MVB12A: variants seen among roughly 807,000 people sequenced by gnomAD.
MVB12A encodes the protein CIN85/CD2AP family binding protein.
Under a neutral mutation model 34.3 loss-of-function variants are expected in MVB12A, and 30 were observed. The ratio of observed to expected loss-of-function variants is 0.88; its 90% CI spans 0.65 to 1.19. MVB12A has a LOEUF of 1.19. MVB12A is among the 50% of genes most tolerant of loss of function. MVB12A has a pLI of 0.00. For missense variants in MVB12A, 355 were observed against 369.2 expected, an observed-to-expected ratio of 0.96 and a Z score of 0.31; for synonymous variants, 158 against 158.9, an observed-to-expected ratio of 0.99 and a Z score of 0.04.
intron 2 of MVB12A, among the ~76,000 whole-genome samples, chr19:17,409,677 C>G (rs2074751866): frequency 6.6e-6 from 1 of 151,378 alleles, no homozygotes. Flanking sequence ...TCTCAAACTC[C>G]CGACCTCAGG....
chr19:17,406,956 C>A (rs757723360), intron 2 of MVB12A, among the ~76,000 whole-genome samples: 1 of 152,152 alleles, frequency 6.6e-6, no homozygotes, highest in South Asian at 2.1e-4. Context: ...AAAGACACGA[C>A]CTTTGCCTGA....
intron 4 of MVB12A, 85 bp from the exon 5 acceptor site, chr19:17,423,413 C>T (rs1266486500): frequency 5.6e-5 from 83 of 1,495,070 alleles, no homozygotes; most frequent in Middle Eastern, 2.5e-4. Flanking sequence ...CCTGCATGCC[C>T]GGGTCCCCCG....
upstream of MVB12A, chr19:17,418,433 C>T (rs2074815694): frequency 6.7e-6 from 1 of 148,472 alleles, no homozygotes; most frequent in African/African-American, 2.5e-5. Flanking sequence ...GCTCTTGTTG[C>T]CTAAGCTGGA....
At chr19:17,420,040 G>C, upstream of MVB12A, 1 of 553,228 alleles carries the variant, frequency 1.8e-6, no homozygotes, top group Non-Finnish European at 2.5e-6. Context: ...ATGGCCTTCT[G>C]GGAGTTGTAG....
At chr19:17,419,289 C>T (rs1432308512), upstream of MVB12A, 2 of 152,140 alleles carry the variant, frequency 1.3e-5, no homozygotes, top group Admixed American at 1.3e-4. Flanking sequence ...CTTCTCCATT[C>T]CTGGCCAGTG....
At chr19:17,413,932 GT>G (rs2074784042) in intron 2 of MVB12A, among the ~76,000 whole-genome samples, 1 of 152,122 alleles carries the variant, frequency 6.6e-6, no homozygotes, top group Non-Finnish European at 1.5e-5. Flanking sequence ...CAGAAGTGGG[GT>G]TACTGGGTCC....
upstream of MVB12A, chr19:17,418,427 T>C (rs1251262861): frequency 1.4e-5 from 2 of 147,004 alleles, no homozygotes; most frequent in Non-Finnish European, 3.0e-5. Context: ...AGTTTCGCTC[T>C]TGTTGCCTAA....
chr19:17,413,968 C>T (rs1358820438), intron 2 of MVB12A, among the ~76,000 whole-genome samples: 1 of 152,136 alleles, frequency 6.6e-6, no homozygotes, highest in Non-Finnish European at 1.5e-5. Flanking sequence ...GTCCCAAGCT[C>T]TCACTTCCCA....
At chr19:17,412,865 G>C (rs186398254) in intron 2 of MVB12A, among the ~76,000 whole-genome samples, 126 of 152,280 alleles carry the variant, frequency 8.3e-4, no homozygotes, top group African/African-American at 3.0e-3. Context: ...TCTTTGTTTT[G>C]CACCGGGGAA....
intron 7 of MVB12A, 100 bp downstream of exon 7, chr19:17,424,167 C>T (rs1330487884): frequency 2.5e-6 from 3 of 1,220,492 alleles, no homozygotes; most frequent in African/African-American, 1.5e-5. Context: ...AGGGCCACAT[C>T]CTGGGTTGGG....
intron 2 of MVB12A, among the ~76,000 whole-genome samples, chr19:17,408,577 G>A (rs1382757068): frequency 6.7e-6 from 1 of 149,894 alleles, no homozygotes; most frequent in Non-Finnish European, 1.5e-5. Flanking sequence ...CTCCTGAGTA[G>A]CTGGGATTAC....
In MVB12A at chr19:17,423,599, A is replaced by T; in HGVS notation, c.515A>T (p.Asp172Val). 1 of 1,614,098 alleles carries T rather than the reference A, an allele frequency of 6.2e-7. No homozygotes were observed. Among genetic ancestry groups the T allele is most frequent in the Non-Finnish European group, 8.5e-7 (1 of 1,180,018 alleles). The change falls in exon 5 of 9, where the codon GAT becomes GTT. Residue 172 changes from aspartate (D) to valine (V), a missense_variant. Coordinates refer to ENST00000317040, the MANE Select transcript of MVB12A (RefSeq NM_138401.4). ...CGGGACATGCAGGGCCTCTCTCTGG[A>T]TGCAGCCAGCCAGCCAAGGTGAGTC... ...LSRDMQGLSL[D>V]AASQPSKGGL...
chr19:17,410,653 G>A (rs200389775), intron 2 of MVB12A, among the ~76,000 whole-genome samples: 1 of 143,804 alleles, frequency 7.0e-6, no homozygotes, highest in East Asian at 2.0e-4. Flanking sequence ...ATTTCAGTTG[G>A]GAGCAGTGGT....
At position 17,422,320 on chromosome 19, in the gene MVB12A, C is replaced by A; in HGVS notation, c.287-12C>A. 1 of 1,608,696 alleles carries A rather than the reference C, an allele frequency of 6.2e-7. No homozygotes were observed. Among genetic ancestry groups the A allele is most frequent in the Non-Finnish European group, 8.5e-7 (1 of 1,176,618 alleles). Reference sequence around the variant, plus strand: ...GGCTTCCCTCTCTCACTCCCCTACCCCCCACTCCCAGAGGCCTCTGTGTCC... The same window carrying A: ...GGCTTCCCTCTCTCACTCCCCTACCACCCACTCCCAGAGGCCTCTGTGTCC... On this transcript the variant is annotated splice_polypyrimidine_tract_variant and intron_variant, in intron 3 of 8. Coordinates refer to ENST00000317040, the MANE Select transcript of MVB12A (RefSeq NM_138401.4).
chr19:17,423,644 G>A, intron 5 of MVB12A, 27 bp downstream of exon 5: 3 of 1,613,404 alleles, frequency 1.9e-6, no homozygotes, highest in South Asian at 1.1e-5. Context: ...CGGAGTGGGG[G>A]TGGCCGTTGT....
At chr19:17,424,146 C>T in intron 7 of MVB12A, 79 bp downstream of exon 7, 1 of 1,404,426 alleles carries the variant, frequency 7.1e-7, no homozygotes, top group Non-Finnish European at 1.0e-6. Context: ...GTATCCAGTG[C>T]CCCAGCACAG....
chr19:17,424,548 A>G, intron 7 of MVB12A, 73 bp from the exon 8 acceptor site: 1 of 1,463,932 alleles, frequency 6.8e-7, no homozygotes, highest in Non-Finnish European at 9.4e-7. Flanking sequence ...GGAGGGCAGG[A>G]CCCCTTGAAG....
chr19:17,421,269 C>T, intron 3 of MVB12A: 1 of 351,142 alleles, frequency 2.8e-6, no homozygotes, highest in Admixed American at 4.1e-5. Context: ...ACCACAACCT[C>T]CGACTCCCGG....
intron 2 of MVB12A, among the ~76,000 whole-genome samples, chr19:17,410,410 A>T (rs948291694): frequency 6.8e-6 from 1 of 147,544 alleles, no homozygotes; most frequent in Non-Finnish European, 1.5e-5. Context: ...GGCTCCAAAG[A>T]TCCTCCTGCC....
Sources: gnomAD v4.1 joint callset for allele counts (sites outside exome capture counted in the v4.1 genomes callset) on GRCh38, gnomAD v4.1.1 for gene constraint, MANE v1.5 for transcripts, NCBI Gene and HGNC (gene_info 2026-07-23, HGNC 2026-07-21) for gene names.